The following ERBB4 variants were observed in gnomAD, a reference collection of about 807,000 sequenced individuals.
ERBB4 encodes the protein receptor tyrosine-protein kinase erbB-4.
A neutral mutation model predicts 158.0 loss-of-function variants in ERBB4; 42 were observed. The observed-to-expected ratio is 0.27, with a 90% CI of 0.21 to 0.34. The LOEUF (loss-of-function observed/expected upper bound fraction) is 0.34. ERBB4 is among the 10% of genes least tolerant of loss of function. The pLI, the probability that ERBB4 is intolerant of heterozygous loss-of-function variation, is 1.00. For synonymous variants in ERBB4, 583 were observed against 558.7 expected, an observed-to-expected ratio of 1.04 and a Z score of -0.61; for missense variants, 1,333 against 1,624.1, an observed-to-expected ratio of 0.82 and a Z score of 3.08.
At chr2:212,110,172 G>A (rs570827548) in intron 2 of ERBB4, among the ~76,000 whole-genome samples, 1 of 152,284 alleles carries the variant, frequency 6.6e-6, no homozygotes, top group East Asian at 1.9e-4. Flanking sequence ...AGTCAAAGGT[G>A]TATAGGTGAA....
intron 4 of ERBB4, among the ~76,000 whole-genome samples, chr2:211,781,183 C>A (rs1274780781): frequency 6.6e-6 from 1 of 151,962 alleles, no homozygotes; most frequent in South Asian, 2.1e-4. Flanking sequence ...TACTCTATCT[C>A]GAGAATTCTA....
chr2:212,505,644 T>C (rs370311194), intron 1 of ERBB4, among the ~76,000 whole-genome samples: 48 of 149,192 alleles, frequency 3.2e-4, no homozygotes, highest in East Asian at 1.4e-3. Context: ...GATGATATAA[T>C]GTCTCCTACA....
chr2:211,473,803 C>T (rs2064888233), intron 20 of ERBB4, among the ~76,000 whole-genome samples: 3 of 151,916 alleles, frequency 2.0e-5, no homozygotes, highest in African/African-American at 4.8e-5. Context: ...TAGAAAATAC[C>T]TGACAGTGGT....
intron 20 of ERBB4, among the ~76,000 whole-genome samples, chr2:211,518,722 C>T (rs369467459): frequency 1.5e-4 from 23 of 151,856 alleles, no homozygotes; most frequent in East Asian, 1.2e-3. Flanking sequence ...AGGCTGTAGA[C>T]GATTTTAAAC....
chr2:211,712,899 T>C (rs1304437535), intron 8 of ERBB4, among the ~76,000 whole-genome samples: 1 of 152,058 alleles, frequency 6.6e-6, no homozygotes, highest in Non-Finnish European at 1.5e-5. Flanking sequence ...CCTGATACTT[T>C]GAAAAGTTTA....
chr2:211,407,656 T>G (rs1350252736), intron 25 of ERBB4, among the ~76,000 whole-genome samples: 1 of 152,220 alleles, frequency 6.6e-6, no homozygotes, highest in Non-Finnish European at 1.5e-5. Context: ...CAATTCAGCT[T>G]TTGCTCAAGT....
chr2:211,540,556 GTTT>G (rs1291262876), intron 20 of ERBB4, among the ~76,000 whole-genome samples: 2 of 151,106 alleles, frequency 1.3e-5, no homozygotes, highest in African/African-American at 2.4e-5. Flanking sequence ...TTTTGTTTTT[GTTT>G]TTTGTTTTGT....
intron 2 of ERBB4, among the ~76,000 whole-genome samples, chr2:212,000,851 A>C (rs1004352216): frequency 2.2e-4 from 34 of 151,910 alleles, no homozygotes; most frequent in African/African-American, 8.2e-4. Flanking sequence ...TTATCTCAGG[A>C]CATTACAAAG....
At chr2:212,140,378 TGTTTATGTATCTATAGTA>T (rs1319478327) in intron 1 of ERBB4, among the ~76,000 whole-genome samples, 12 of 120,812 alleles carry the variant, frequency 9.9e-5, no homozygotes, top group African/African-American at 4.8e-4. Flanking sequence ...AATATCTATA[TGTTTATGTATCTATAGTA>T]ATATCTATAT....
intron 2 of ERBB4, among the ~76,000 whole-genome samples, chr2:212,110,332 C>G (rs1037530518): frequency 1.3e-5 from 2 of 152,184 alleles, no homozygotes; most frequent in Non-Finnish European, 2.9e-5. Flanking sequence ...ATATTTATTG[C>G]TTACTCTTCT....
At chr2:212,011,031 C>T (rs2076374167) in intron 2 of ERBB4, among the ~76,000 whole-genome samples, 1 of 152,100 alleles carries the variant, frequency 6.6e-6, no homozygotes, top group African/African-American at 2.4e-5. Context: ...TGCTGTTATT[C>T]TGTTCTTTTT....
chr2:211,747,520 G>A (rs1364502046), intron 5 of ERBB4, among the ~76,000 whole-genome samples: 2 of 152,102 alleles, frequency 1.3e-5, no homozygotes, highest in Non-Finnish European at 1.5e-5. Flanking sequence ...AGAAGGCCAC[G>A]TGTCTGCTTG....
At chr2:212,198,114 C>T (rs2082485040) in intron 1 of ERBB4, among the ~76,000 whole-genome samples, 2 of 152,116 alleles carry the variant, frequency 1.3e-5, no homozygotes, top group Non-Finnish European at 2.9e-5. Flanking sequence ...ACAATATTCA[C>T]TATCATAAGG....
chr2:211,888,228 T>C (rs935506676), intron 3 of ERBB4, among the ~76,000 whole-genome samples: 1 of 152,212 alleles, frequency 6.6e-6, no homozygotes, highest in East Asian at 1.9e-4. Flanking sequence ...TGAACCTTTT[T>C]ATATTTATTA....
At chr2:211,658,275 G>A (rs1453100928) in intron 15 of ERBB4, among the ~76,000 whole-genome samples, 1 of 152,090 alleles carries the variant, frequency 6.6e-6, no homozygotes, top group Admixed American at 6.5e-5. Context: ...ACTTTGAACT[G>A]ATATGCATCA....
At chr2:211,944,949 C>A (rs1158430256) in intron 3 of ERBB4, among the ~76,000 whole-genome samples, 1 of 152,120 alleles carries the variant, frequency 6.6e-6, no homozygotes, top group Non-Finnish European at 1.5e-5. Context: ...TGTCTCCCCT[C>A]ATTTTATACC....
intron 1 of ERBB4, among the ~76,000 whole-genome samples, chr2:212,243,447 AAAG>A (rs1219202755): frequency 6.6e-6 from 1 of 152,204 alleles, no homozygotes; most frequent in African/African-American, 2.4e-5. Flanking sequence ...ATATAAAGAA[AAAG>A]AAAAGCCTAT....
intron 25 of ERBB4, among the ~76,000 whole-genome samples, chr2:211,414,500 T>TAAAAA (rs71047174): frequency 6.2e-4 from 63 of 101,992 alleles, no homozygotes; most frequent in East Asian, 3.8e-3. Context: ...CAGTCTCAAT[T>TAAAAA]AAAAAAAAAA....
At chr2:211,660,905 C>A (rs774518021) in intron 15 of ERBB4, among the ~76,000 whole-genome samples, 1 of 152,010 alleles carries the variant, frequency 6.6e-6, no homozygotes, top group Non-Finnish European at 1.5e-5. Context: ...AAGAAAGAGG[C>A]GGTGATCATC....
Sources: allele counts gnomAD v4.1 joint callset (sites outside exome capture counted in the v4.1 genomes callset), GRCh38; gene constraint gnomAD v4.1.1; transcripts MANE v1.5; gene names NCBI Gene and HGNC (gene_info 2026-07-23, HGNC 2026-07-21).